Variants in ROBO2 observed in about 807,000 individuals in gnomAD.
ROBO2 encodes roundabout guidance receptor 2, also known as roundabout homolog 2.
ROBO2 carries 53 observed loss-of-function variants against 160.8 expected under a neutral mutation model. That is an observed-to-expected ratio of 0.33 (90% confidence interval 0.26 to 0.41). The LOEUF is 0.41. Ranked by LOEUF, ROBO2 falls within the 10% of genes least tolerant of loss-of-function variation. ROBO2 has a pLI of 1.00. For missense variants in ROBO2, 1,577 were observed against 1,722.4 expected, an observed-to-expected ratio of 0.92 and a Z score of 1.49; for synonymous variants, 664 against 611.7, an observed-to-expected ratio of 1.09 and a Z score of -1.26.
intron 2 of ROBO2, among the ~76,000 whole-genome samples, chr3:77,109,930 T>C (rs1034008438): frequency 6.6e-6 from 1 of 152,220 alleles, no homozygotes; most frequent in African/African-American, 2.4e-5. Context: ...AATACAATGA[T>C]GACCCCTGGA....
intron 16 of ROBO2, among the ~76,000 whole-genome samples, chr3:77,585,691 T>A (rs1476200761): frequency 6.6e-6 from 1 of 152,102 alleles, no homozygotes; most frequent in Non-Finnish European, 1.5e-5. Context: ...TTATTTCTTT[T>A]TAATATCTAC....
chr3:76,000,489 A>AT (rs62945460), intron 2 of ROBO2, among the ~76,000 whole-genome samples: 133 of 114,140 alleles, frequency 1.2e-3, no homozygotes, highest in African/African-American at 3.4e-3. Flanking sequence ...TTGTGCGCTT[A>AT]TTTTTTTTTT....
chr3:76,750,019 C>T (rs578041594), intron 2 of ROBO2, among the ~76,000 whole-genome samples: 57 of 152,148 alleles, frequency 3.7e-4, no homozygotes, highest in African/African-American at 1.2e-3. Flanking sequence ...GACCAATATC[C>T]CTGATGAACA....
intron 2 of ROBO2, among the ~76,000 whole-genome samples, chr3:77,459,629 T>C (rs1173832705): frequency 1.3e-5 from 2 of 152,196 alleles, no homozygotes; most frequent in Non-Finnish European, 2.9e-5. Flanking sequence ...ATATGTGTGA[T>C]CTTGCTGCTT....
At chr3:75,918,658 A>G (rs1946907097) in intron 1 of ROBO2, among the ~76,000 whole-genome samples, 1 of 152,120 alleles carries the variant, frequency 6.6e-6, no homozygotes, top group African/African-American at 2.4e-5. Context: ...GAGTCTTCCT[A>G]TCCATGAGGA....
intron 2 of ROBO2, among the ~76,000 whole-genome samples, chr3:76,864,797 A>G (rs537994085): frequency 6.6e-6 from 1 of 152,230 alleles, no homozygotes; most frequent in East Asian, 1.9e-4. Context: ...TAAAATCAAT[A>G]ATGATCTAAA....
intron 13 of ROBO2, among the ~76,000 whole-genome samples, chr3:77,573,759 T>C (rs1440115869): frequency 1.3e-5 from 2 of 152,040 alleles, no homozygotes; most frequent in African/African-American, 4.8e-5. Context: ...TCAGGGATGC[T>C]TTGCCTCTGC....
At chr3:75,957,269 A>G (rs1329396009) in intron 2 of ROBO2, among the ~76,000 whole-genome samples, 3 of 150,984 alleles carry the variant, frequency 2.0e-5, no homozygotes, top group Admixed American at 1.3e-4. Flanking sequence ...ACACACACAT[A>G]CACACATTAG....
At chr3:76,373,765 G>A (rs760181663) in intron 2 of ROBO2, among the ~76,000 whole-genome samples, 34 of 151,952 alleles carry the variant, frequency 2.2e-4, no homozygotes, top group Non-Finnish European at 4.1e-4. Context: ...AAAACTAATC[G>A]TTATCATTGT....
chr3:76,603,062 T>C (rs2108970236), intron 2 of ROBO2, among the ~76,000 whole-genome samples: 1 of 152,088 alleles, frequency 6.6e-6, no homozygotes, highest in Admixed American at 6.5e-5. Context: ...CTGGGCGCAG[T>C]GGCTCACGCC....
At chr3:76,364,668 A>G (rs1454964652) in intron 2 of ROBO2, among the ~76,000 whole-genome samples, 1 of 152,078 alleles carries the variant, frequency 6.6e-6, no homozygotes, top group African/African-American at 2.4e-5. Flanking sequence ...GATTTTTCAC[A>G]TAAAACCTTT....
Position 76,221,673 on chromosome 3 carries a change from C to A in ROBO2, c.109+284071C>A, listed in dbSNP as rs988373719. On this transcript the variant is annotated intron_variant, in intron 2 of 26. Coordinates refer to the ROBO2 transcript ENST00000487694. ...AACTGAATTCAAAAGACCCTTTTAT[C>A]ATTTTTATCAAGTTAGCTGCTTCTG... Among the ~76,000 whole-genome samples the A allele has an allele frequency of 2.6e-5, 4 of 152,158 alleles. No individual in the cohort carries two copies. The East Asian group carries it at 7.7e-4, about 29-fold the overall frequency.
At chr3:76,371,507 C>T (rs574436857) in intron 2 of ROBO2, among the ~76,000 whole-genome samples, 5 of 151,820 alleles carry the variant, frequency 3.3e-5, no homozygotes, top group African/African-American at 7.2e-5. Flanking sequence ...CTGTTATATA[C>T]GTAATTGTAT....
intron 2 of ROBO2, among the ~76,000 whole-genome samples, chr3:77,001,759 C>G (rs1199541601): frequency 2.0e-5 from 3 of 152,028 alleles, no homozygotes; most frequent in Non-Finnish European, 4.4e-5. Context: ...CCTTAATAAG[C>G]TAACAATTCT....
intron 2 of ROBO2, among the ~76,000 whole-genome samples, chr3:76,051,267 G>GTAT (rs2067646218): frequency 6.6e-6 from 1 of 151,950 alleles, no homozygotes; most frequent in African/African-American, 2.4e-5. Context: ...ACTTTGATAT[G>GTAT]TCACTATGGT....
chr3:76,487,907 A>G (rs998275313), intron 2 of ROBO2, among the ~76,000 whole-genome samples: 2 of 152,188 alleles, frequency 1.3e-5, no homozygotes, highest in Non-Finnish European at 2.9e-5. Flanking sequence ...CACCAGCAAG[A>G]GAGACTCTCT....
intron 6 of ROBO2, among the ~76,000 whole-genome samples, chr3:77,527,867 T>A (rs2091315228): frequency 6.6e-6 from 1 of 151,572 alleles, no homozygotes; most frequent in Non-Finnish European, 1.5e-5. Context: ...ATTTTAGGGA[T>A]ATTTTTAGCT....
chr3:76,010,673 A>G (rs1018738722), intron 2 of ROBO2, among the ~76,000 whole-genome samples: 2 of 152,234 alleles, frequency 1.3e-5, no homozygotes, highest in African/African-American at 4.8e-5. Flanking sequence ...TCTTTAAATT[A>G]AGAAATGTAG....
At chr3:77,124,664 G>A (rs2075143158) in intron 2 of ROBO2, among the ~76,000 whole-genome samples, 1 of 151,960 alleles carries the variant, frequency 6.6e-6, no homozygotes, top group Non-Finnish European at 1.5e-5. Context: ...ATTCACTTTT[G>A]GTAATAGGTA....
Sources: gnomAD v4.1 joint callset for allele counts (sites outside exome capture counted in the v4.1 genomes callset) on GRCh38, gnomAD v4.1.1 for gene constraint, MANE v1.5 for transcripts, NCBI Gene and HGNC (gene_info 2026-07-23, HGNC 2026-07-21) for gene names.